PCDHA8: variants seen among roughly 807,000 people sequenced by gnomAD.
The protein encoded by PCDHA8 is protocadherin alpha 8, also known as protocadherin alpha-8.
Under a neutral mutation model 61.8 loss-of-function variants are expected in PCDHA8, and 53 were observed. That is an observed-to-expected ratio of 0.86 (90% CI 0.69 to 1.08). The LOEUF is 1.08. Ranked by LOEUF, PCDHA8 falls within the 50% of genes least tolerant of loss-of-function variation. The pLI is 0.00. For synonymous variants in PCDHA8, 618 were observed against 556.6 expected, an observed-to-expected ratio of 1.11 and a Z score of -1.55; for missense variants, 1,293 against 1,245.0, an observed-to-expected ratio of 1.04 and a Z score of -0.58.
At chr5:140,977,055 A>G (rs1220462981) in intron 1 of PCDHA8, among the ~76,000 whole-genome samples, 1 of 152,234 alleles carries the variant, frequency 6.6e-6, no homozygotes, top group Non-Finnish European at 1.5e-5. Context: ...CTGATGGACT[A>G]GTATAGAAAA....
intron 1 of PCDHA8, chr5:140,859,449 A>T (rs1319113076): frequency 4.5e-6 from 1 of 222,150 alleles, no homozygotes; most frequent in Non-Finnish European, 8.6e-6. Context: ...TTAGTTGCAG[A>T]GTGACAAAAC....
In PCDHA8 at chr5:141,010,329, G is replaced by C; in HGVS notation, c.*392G>C. On this transcript the variant is annotated 3_prime_UTR_variant, in exon 4 of 4. Coordinates refer to ENST00000531613, the MANE Select transcript of PCDHA8 (RefSeq NM_018911.3). ...AGTTTTGAGATTGAGCAGCTTGGGAGTTTGTGGCCACTGGGTATGTGTGGC... is the reference window on the plus strand; with the variant it reads ...AGTTTTGAGATTGAGCAGCTTGGGACTTTGTGGCCACTGGGTATGTGTGGC... 6.5e-7 allele frequency: 1 copy of C among 1,538,672 alleles called. No individual in the cohort carries two copies. Among genetic ancestry groups the C allele is most frequent in the Non-Finnish European group, 8.8e-7 (1 of 1,142,532 alleles).
intron 1 of PCDHA8, among the ~76,000 whole-genome samples, chr5:140,938,121 A>C (rs981387543): frequency 6.6e-6 from 1 of 151,892 alleles, no homozygotes; most frequent in South Asian, 2.1e-4. Flanking sequence ...CTCTTTTTTT[A>C]AAAAAATAGA....
intron 1 of PCDHA8, among the ~76,000 whole-genome samples, chr5:140,844,717 G>A (rs1779511876): frequency 6.7e-6 from 1 of 149,352 alleles, no homozygotes. Context: ...TGGCCCATTA[G>A]TTCGTGTAAA....
At chr5:140,873,301 A>G (rs1463024301) in intron 1 of PCDHA8, among the ~76,000 whole-genome samples, 1 of 152,238 alleles carries the variant, frequency 6.6e-6, no homozygotes, top group Non-Finnish European at 1.5e-5. Flanking sequence ...TTATAAATAT[A>G]ATAAAGGTGA....
In PCDHA8 at chr5:140,849,917, C is replaced by A. The variant is rs2150457519; in HGVS notation, c.2394+6202C>A. ...AGAACAACCCGCCGGGCTGCCACATCTTCACGGTGTCTGCGCGGGACGCTG... is the reference window on the plus strand; with the variant it reads ...AGAACAACCCGCCGGGCTGCCACATATTCACGGTGTCTGCGCGGGACGCTG... On this transcript the variant is annotated intron_variant, in intron 1 of 3. Coordinates refer to ENST00000531613, the MANE Select transcript of PCDHA8 (RefSeq NM_018911.3). 7 of 1,598,228 alleles carry A rather than the reference C, an allele frequency of 4.4e-6. No individual in the cohort carries two copies. In the South Asian group the frequency reaches 7.7e-5, roughly 18 times the overall value.
chr5:140,966,945 A>G, intron 1 of PCDHA8: 1 of 1,603,804 alleles, frequency 6.2e-7, no homozygotes, highest in Non-Finnish European at 8.5e-7. Flanking sequence ...CTCGTGGGCA[A>G]CGTGGCTCGC....
chr5:140,985,859 C>T (rs2153837183), intron 3 of PCDHA8, among the ~76,000 whole-genome samples: 1 of 151,736 alleles, frequency 6.6e-6, no homozygotes, highest in African/African-American at 2.4e-5. Context: ...CCTGCCTCAG[C>T]CTCCTGAGTA....
At chr5:140,976,203 A>T (rs1301475935) in intron 1 of PCDHA8, among the ~76,000 whole-genome samples, 1 of 152,220 alleles carries the variant, frequency 6.6e-6, no homozygotes, top group East Asian at 1.9e-4. Flanking sequence ...GAAACTCAGA[A>T]GTAAAAAAGA....
chr5:140,882,836 T>C (rs782210486), intron 1 of PCDHA8: 1 of 1,614,226 alleles, frequency 6.2e-7, no homozygotes, highest in South Asian at 1.1e-5. Flanking sequence ...TGAGCAAATG[T>C]CTTCATTATC....
chr5:140,854,000 CA>C (rs112540154), intron 1 of PCDHA8: 19,868 of 339,900 alleles, frequency 0.058, 122 homozygotes, highest in Non-Finnish European at 0.062. Context: ...TCATCTCTGC[CA>C]AAAAAAAAAA....
At chr5:140,917,815 G>T (rs554230002) in intron 1 of PCDHA8, among the ~76,000 whole-genome samples, 1 of 152,018 alleles carries the variant, frequency 6.6e-6, no homozygotes, top group South Asian at 2.1e-4. Context: ...TATAGTTGAA[G>T]TTGGGTAGTG....
At chr5:140,921,676 T>A (rs2080324583) in intron 1 of PCDHA8, among the ~76,000 whole-genome samples, 1 of 152,178 alleles carries the variant, frequency 6.6e-6, no homozygotes, top group South Asian at 2.1e-4. Flanking sequence ...ACAGTTATCA[T>A]CAAACACTGG....
chr5:140,910,103 T>C (rs1485345908), intron 1 of PCDHA8, among the ~76,000 whole-genome samples: 2 of 152,192 alleles, frequency 1.3e-5, no homozygotes, highest in Admixed American at 6.5e-5. Flanking sequence ...CTCCCCTTCA[T>C]TTAAGGGATT....
At chr5:140,897,803 C>G (rs1285512803) in intron 1 of PCDHA8, among the ~76,000 whole-genome samples, 1 of 152,130 alleles carries the variant, frequency 6.6e-6, no homozygotes, top group Non-Finnish European at 1.5e-5. Context: ...AGAGTCCCAC[C>G]AACAGTGTAA....
At chr5:140,998,136 C>T (rs2153950850) in intron 3 of PCDHA8, among the ~76,000 whole-genome samples, 1 of 152,308 alleles carries the variant, frequency 6.6e-6, no homozygotes, top group South Asian at 2.1e-4. Context: ...TAATAGCTAA[C>T]CTGTACTGAA....
chr5:140,884,535 C>T (rs142468733), intron 1 of PCDHA8: 2 of 1,613,918 alleles, frequency 1.2e-6, no homozygotes, highest in African/African-American at 1.3e-5. Flanking sequence ...CAGAGGCGGC[C>T]GAGGGTGTGC....
chr5:140,967,898 G>A (rs751530394), intron 1 of PCDHA8: 9 of 1,614,046 alleles, frequency 5.6e-6, no homozygotes, highest in Non-Finnish European at 7.6e-6. Context: ...GCCTGAGAAT[G>A]CTACACCCAA....
At chr5:140,861,646 T>C in intron 1 of PCDHA8, 1 of 291,698 alleles carries the variant, frequency 3.4e-6, no homozygotes, top group Non-Finnish European at 6.9e-6. Context: ...CAAAAGAATC[T>C]GTTTCTGAAA....
Sources: gnomAD v4.1 joint callset for allele counts (sites outside exome capture counted in the v4.1 genomes callset) on GRCh38, gnomAD v4.1.1 for gene constraint, MANE v1.5 for transcripts, NCBI Gene and HGNC (gene_info 2026-07-23, HGNC 2026-07-21) for gene names.